The following PEX11G variants were observed in gnomAD, a reference collection of about 807,000 sequenced individuals.
PEX11G encodes peroxisomal membrane protein 11C.
In PEX11G, 20 loss-of-function variants were observed where a neutral mutation model predicts 22.5. The ratio of observed to expected loss-of-function variants is 0.89; its 90% CI spans 0.62 to 1.29. The LOEUF is 1.29. Ranked by LOEUF, PEX11G falls within the 50% of genes most tolerant of loss-of-function variation. The pLI is 0.00. For synonymous variants in PEX11G, 141 were observed against 154.5 expected, an observed-to-expected ratio of 0.91 and a Z score of 0.65; for missense variants, 347 against 331.3, an observed-to-expected ratio of 1.05 and a Z score of -0.37.
chr19:7,494,153 C>T (rs2021937292), intron 1 of PEX11G, among the ~76,000 whole-genome samples: 1 of 152,174 alleles, frequency 6.6e-6, no homozygotes, highest in African/African-American at 2.4e-5. Context: ...GGAATCCTCC[C>T]ATCTCAGCCT....
intron 2 of PEX11G, among the ~76,000 whole-genome samples, chr19:7,483,732 G>A (rs950699142): frequency 6.6e-6 from 1 of 152,122 alleles, no homozygotes; most frequent in Non-Finnish European, 1.5e-5. Context: ...ATTTCGGGGC[G>A]GGGAGCACCT....
At chr19:7,484,910 T>G (rs1054690535) in intron 2 of PEX11G, among the ~76,000 whole-genome samples, 8 of 152,184 alleles carry the variant, frequency 5.3e-5, no homozygotes, top group Admixed American at 1.3e-4. Context: ...TTTTAAAAAT[T>G]TAAATCAAAA....
chr19:7,482,385 C>T (rs1304041048), intron 2 of PEX11G, among the ~76,000 whole-genome samples, 174 bp from the exon 3 acceptor site: 1 of 152,222 alleles, frequency 6.6e-6, no homozygotes, highest in African/African-American at 2.4e-5. Flanking sequence ...CCGCACAGGC[C>T]TGATTTCTGT....
At chr19:7,482,007 G>A in intron 3 of PEX11G, 26 bp downstream of exon 3, 6 of 1,541,326 alleles carry the variant, frequency 3.9e-6, no homozygotes, top group Non-Finnish European at 3.5e-6. Flanking sequence ...GACCTTGGGT[G>A]CTCCCTTCTG....
chr19:7,486,552 A>G lies in PEX11G; in HGVS notation c.61-526T>C, dbSNP rs148199893. Among the ~76,000 whole-genome samples, 1,244 of 152,250 alleles carry G rather than the reference A, an allele frequency of 8.2e-3. 18 individuals are homozygous for G. The highest frequency in any genetic ancestry group is 0.026 in the African/African-American group (1,065 of 41,548). On this transcript the variant is annotated intron_variant, in intron 1 of 4. Coordinates refer to ENST00000221480, the MANE Select transcript of PEX11G (RefSeq NM_080662.4). Reference sequence around the variant, plus strand: ...CGAGGTGAGAGGATGCCTTCACACCAGGAGTTTGAGACCAGCCTGGGCAAC... The same window carrying G: ...CGAGGTGAGAGGATGCCTTCACACCGGGAGTTTGAGACCAGCCTGGGCAAC...
intron 2 of PEX11G, among the ~76,000 whole-genome samples, 184 bp downstream of exon 2, chr19:7,485,654 C>T (rs969951259): frequency 2.0e-5 from 3 of 152,068 alleles, no homozygotes; most frequent in Admixed American, 1.3e-4. Context: ...TGCACCCAGC[C>T]GAGACAGGGT....
intron 1 of PEX11G, among the ~76,000 whole-genome samples, chr19:7,486,976 G>C (rs1052689855): frequency 3.3e-5 from 5 of 151,788 alleles, no homozygotes; most frequent in Non-Finnish European, 5.9e-5. Flanking sequence ...GAGCCCAGGA[G>C]TTCCAGACTG....
intron 1 of PEX11G, among the ~76,000 whole-genome samples, chr19:7,488,662 G>A (rs1472932204): frequency 6.6e-6 from 1 of 152,222 alleles, no homozygotes; most frequent in Non-Finnish European, 1.5e-5. Context: ...ATAGCAGGGA[G>A]TGGTGGCGGG....
chr19:7,484,182 C>G (rs1040739774), intron 2 of PEX11G, among the ~76,000 whole-genome samples: 1 of 151,924 alleles, frequency 6.6e-6, no homozygotes, highest in African/African-American at 2.4e-5. Flanking sequence ...TGGCAAAACC[C>G]TGTCTCTACA....
chr19:7,478,751 C>T (rs1020266361), intron 3 of PEX11G, among the ~76,000 whole-genome samples: 8 of 152,230 alleles, frequency 5.3e-5, no homozygotes, highest in Admixed American at 2.6e-4. Flanking sequence ...GGCGTGGGGA[C>T]GCCGTTTCCC....
chr19:7,486,265 T>A (rs146903562), intron 1 of PEX11G, among the ~76,000 whole-genome samples: 4,502 of 152,212 alleles, frequency 0.03, 225 homozygotes, highest in African/African-American at 0.1. Context: ...TAGCTGGGAT[T>A]ACAGGCGCCC....
chr19:7,478,343 CCT>C lies in PEX11G; in HGVS notation c.460_461del (p.Arg154AlafsTer135). 1 of 1,611,278 alleles carries C rather than the reference CCT, an allele frequency of 6.2e-7. No homozygotes were observed. Among genetic ancestry groups the C allele is most frequent in the East Asian group, 2.2e-5 (1 of 44,842 alleles). On this transcript the variant is annotated frameshift_variant, in exon 4 of 5. Coordinates refer to ENST00000221480, the MANE Select transcript of PEX11G (RefSeq NM_080662.4). LOFTEE classifies it low-confidence loss of function (END_TRUNC). ...SLWMLLKLRQ[R>X]LRSPTAPFTS... The stretch of plus-strand genomic sequence containing the variant: ...TGAAGGGCGCCGTGGGGCTCCGCAG[CCT>C]CTGTCTCAGTTTCAGCAGCATCCAC...
At chr19:7,478,170 C>CCACCCATCA in intron 4 of PEX11G, 144 bp downstream of exon 4, 2 of 838,216 alleles carry the variant, frequency 2.4e-6, no homozygotes, top group South Asian at 3.4e-5. Flanking sequence ...AAAGGTACCG[C>CCACCCATCA]CACCCACCAG....
At chr19:7,484,108 C>G (rs148976839) in intron 2 of PEX11G, among the ~76,000 whole-genome samples, 2,416 of 152,270 alleles carry the variant, frequency 0.016, 26 homozygotes, top group Middle Eastern at 0.031. Flanking sequence ...GTCATCCTAG[C>G]ACTTTGGGAG....
intron 2 of PEX11G, among the ~76,000 whole-genome samples, chr19:7,485,123 C>G (rs924593554): frequency 6.6e-6 from 1 of 152,106 alleles, no homozygotes; most frequent in Non-Finnish European, 1.5e-5. Flanking sequence ...CTCCACTGCA[C>G]TCCAGCCTGT....
At chr19:7,492,603 C>A (rs997790727), upstream of PEX11G, among the ~76,000 whole-genome samples, 1 of 151,976 alleles carries the variant, frequency 6.6e-6, no homozygotes, top group Non-Finnish European at 1.5e-5. Context: ...CCACTGTGCC[C>A]GGCTAATTTT....
intron 1 of PEX11G, among the ~76,000 whole-genome samples, chr19:7,486,501 C>T (rs1471562288): frequency 6.6e-6 from 1 of 152,174 alleles, no homozygotes; most frequent in Non-Finnish European, 1.5e-5. Context: ...GTGGCTCACA[C>T]CTGTAACCCC....
chr19:7,478,392 C>A lies in PEX11G; in HGVS notation c.429-16G>T. 1 of 1,604,362 alleles carries A rather than the reference C, an allele frequency of 6.2e-7. No individual in the cohort carries two copies. Among genetic ancestry groups the A allele is most frequent in the East Asian group, 2.2e-5 (1 of 44,522 alleles). On this transcript the variant is annotated splice_polypyrimidine_tract_variant and intron_variant, in intron 3 of 4. Coordinates refer to ENST00000221480, the MANE Select transcript of PEX11G (RefSeq NM_080662.4). Reference sequence around the variant, plus strand: ...CCACAGGGACCTGCAGCACCAGAGCCCGAGGGAGGATGCCCCGGCGGGGAG... The same window carrying A: ...CCACAGGGACCTGCAGCACCAGAGCACGAGGGAGGATGCCCCGGCGGGGAG...
At chr19:7,482,994 T>G (rs1977568568) in intron 2 of PEX11G, among the ~76,000 whole-genome samples, 1 of 152,148 alleles carries the variant, frequency 6.6e-6, no homozygotes, top group Admixed American at 6.5e-5. Flanking sequence ...CAGGACCAGT[T>G]GAGGCTGTAG....
Sources: gnomAD v4.1 joint callset for allele counts (sites outside exome capture counted in the v4.1 genomes callset) on GRCh38, gnomAD v4.1.1 for gene constraint, MANE v1.5 for transcripts, NCBI Gene and HGNC (gene_info 2026-07-23, HGNC 2026-07-21) for gene names.